Variants in C8orf34 observed in about 807,000 individuals in gnomAD.
The protein encoded by C8orf34 is chromosome 8 open reading frame 34.
A neutral mutation model predicts 68.3 loss-of-function variants in C8orf34; 65 were observed. The ratio of observed to expected loss-of-function variants is 0.95; its 90% CI spans 0.78 to 1.17. The LOEUF is 1.17. Ranked by LOEUF, C8orf34 falls within the 50% of genes most tolerant of loss-of-function variation. The probability of loss-of-function intolerance (pLI) is 0.00; values close to 1 mark genes in which losing one functional copy is unlikely to be tolerated. For missense variants in C8orf34, 664 were observed against 655.4 expected, an observed-to-expected ratio of 1.01 and a Z score of -0.14; for synonymous variants, 244 against 241.2, an observed-to-expected ratio of 1.01 and a Z score of -0.11.
chr8:68,632,157 A>G (rs1341087578), intron 7 of C8orf34, among the ~76,000 whole-genome samples: 1 of 152,176 alleles, frequency 6.6e-6, no homozygotes, highest in Admixed American at 6.5e-5. Flanking sequence ...GACATGGACA[A>G]TGAAGTCTAG....
intron 3 of C8orf34, 52 bp downstream of exon 3, chr8:68,446,512 T>G: frequency 6.4e-7 from 1 of 1,551,028 alleles, no homozygotes; most frequent in Non-Finnish European, 8.7e-7. Flanking sequence ...GTTTATGTTG[T>G]TAAGAAAATG....
At position 68,735,051 on chromosome 8, in the gene C8orf34, T is replaced by A. The variant is rs915285942; in HGVS notation, c.1404+13614T>A. ...CCTTTGTGAGGTAAGTTTATCTTAATTTTTAGATGGAAAAACTTAGTTTTA... is the reference window on the plus strand; with the variant it reads ...CCTTTGTGAGGTAAGTTTATCTTAAATTTTAGATGGAAAAACTTAGTTTTA... On this transcript the variant is annotated intron_variant, in intron 10 of 13. Coordinates refer to ENST00000518698, the MANE Select transcript of C8orf34 (RefSeq NM_052958.4). 4.6e-5 allele frequency among the ~76,000 whole-genome samples: 7 copies of A among 152,342 alleles called. No individual in the cohort carries two copies. The East Asian group carries it at 9.6e-4, about 21-fold the overall frequency.
At chr8:68,625,176 T>G (rs1400484649) in intron 7 of C8orf34, among the ~76,000 whole-genome samples, 1 of 152,070 alleles carries the variant, frequency 6.6e-6, no homozygotes, top group African/African-American at 2.4e-5. Flanking sequence ...GGTAAAGGCT[T>G]CTGGGGTTGA....
chr8:68,626,161 A>G (rs1352883306), intron 7 of C8orf34, among the ~76,000 whole-genome samples: 2 of 152,158 alleles, frequency 1.3e-5, no homozygotes, highest in Non-Finnish European at 2.9e-5. Context: ...GGAAAATTGA[A>G]GCAAAAGAGG....
intron 10 of C8orf34, among the ~76,000 whole-genome samples, chr8:68,752,294 A>G (rs73275966): frequency 0.016 from 2,409 of 152,312 alleles, 84 homozygotes; most frequent in African/African-American, 0.054. Flanking sequence ...CTATGAGCCA[A>G]CAACTCCTTA....
intron 1 of C8orf34, among the ~76,000 whole-genome samples, chr8:68,429,877 A>G (rs893441687): frequency 2.4e-4 from 37 of 152,334 alleles, no homozygotes; most frequent in African/African-American, 8.4e-4. Context: ...GTATGGTATC[A>G]TAGAAAAATA....
At chr8:68,782,487 A>G (rs1007151133) in intron 11 of C8orf34, among the ~76,000 whole-genome samples, 3 of 147,664 alleles carry the variant, frequency 2.0e-5, no homozygotes, top group African/African-American at 7.6e-5. Flanking sequence ...TGCCTCTCAC[A>G]TTCTACTCTC....
chr8:68,809,210 CT>C (rs1457252130), intron 12 of C8orf34, among the ~76,000 whole-genome samples: 10 of 152,142 alleles, frequency 6.6e-5, no homozygotes, highest in African/African-American at 2.2e-4. Context: ...GGCAAATGCT[CT>C]CCTCTAGGGT....
intron 1 of C8orf34, among the ~76,000 whole-genome samples, chr8:68,340,519 A>G (rs891678352): frequency 6.6e-6 from 1 of 152,198 alleles, no homozygotes; most frequent in Non-Finnish European, 1.5e-5. Context: ...TGGACTGCAG[A>G]CATCAAAAGA....
At chr8:68,578,186 A>G (rs1816963127) in intron 7 of C8orf34, among the ~76,000 whole-genome samples, 1 of 152,058 alleles carries the variant, frequency 6.6e-6, no homozygotes, top group South Asian at 2.1e-4. Flanking sequence ...AGACTTAAAA[A>G]TGATTTTAAA....
rs147646467 is a variant in C8orf34, at chr8:68,362,311, A to G, written c.327+30972A>G. On this transcript the variant is annotated intron_variant, in intron 1 of 13. Coordinates refer to ENST00000518698, the MANE Select transcript of C8orf34 (RefSeq NM_052958.4). ...CTCATAGAGTTTATACACATTCTCAATTTGATGTTTTCATCATTAAAACCA... is the reference window on the plus strand; with the variant it reads ...CTCATAGAGTTTATACACATTCTCAGTTTGATGTTTTCATCATTAAAACCA... 5.2e-3 allele frequency among the ~76,000 whole-genome samples: 792 copies of G among 152,320 alleles called. 5 individuals carry two copies. The highest frequency in any genetic ancestry group is 0.017 in the African/African-American group (716 of 41,572).
chr8:68,685,533 T>G (rs2130890192), intron 8 of C8orf34, among the ~76,000 whole-genome samples: 2 of 152,166 alleles, frequency 1.3e-5, no homozygotes, highest in Admixed American at 1.3e-4. Flanking sequence ...CAAGTTGAGG[T>G]ATGAGTTTGG....
intron 1 of C8orf34, among the ~76,000 whole-genome samples, chr8:68,417,835 T>G (rs1261571709): frequency 6.6e-6 from 1 of 152,000 alleles, no homozygotes; most frequent in African/African-American, 2.4e-5. Context: ...GTGAAGAAAG[T>G]CATTGGTAGC....
chr8:68,387,611 C>A (rs757165715), intron 1 of C8orf34, among the ~76,000 whole-genome samples: 8 of 152,008 alleles, frequency 5.3e-5, no homozygotes, highest in Non-Finnish European at 1.2e-4. Flanking sequence ...GAAGAAGATA[C>A]AGAAATGGAT....
At chr8:68,803,183 A>G (rs939579526) in intron 12 of C8orf34, among the ~76,000 whole-genome samples, 5 of 152,118 alleles carry the variant, frequency 3.3e-5, no homozygotes, top group Non-Finnish European at 7.4e-5. Context: ...TACATAACAG[A>G]AGAATTATAA....
At chr8:68,814,199 A>G (rs1824740215) in intron 12 of C8orf34, among the ~76,000 whole-genome samples, 1 of 152,208 alleles carries the variant, frequency 6.6e-6, no homozygotes, top group African/African-American at 2.4e-5. Flanking sequence ...TATCAGCATC[A>G]ACATCTCTTG....
chr8:68,590,768 A>C (rs768403955), intron 7 of C8orf34, among the ~76,000 whole-genome samples: 127 of 152,190 alleles, frequency 8.3e-4, no homozygotes, highest in Non-Finnish European at 1.2e-3. Context: ...ATATGAGAGC[A>C]GCAGAGCTAC....
chr8:68,717,812 T>C (rs892590039), intron 9 of C8orf34, among the ~76,000 whole-genome samples: 3 of 152,164 alleles, frequency 2.0e-5, no homozygotes, highest in Non-Finnish European at 4.4e-5. Flanking sequence ...TAATGTAGCA[T>C]AATAGAAAGA....
At chr8:68,474,187 G>T (rs11995326) in intron 4 of C8orf34, among the ~76,000 whole-genome samples, 4 of 152,022 alleles carry the variant, frequency 2.6e-5, no homozygotes, top group Admixed American at 2.6e-4. Context: ...TGCCCAAAGC[G>T]TATCTCCACT....
Sources: allele counts gnomAD v4.1 joint callset (sites outside exome capture counted in the v4.1 genomes callset), GRCh38; gene constraint gnomAD v4.1.1; transcripts MANE v1.5; gene names NCBI Gene and HGNC (gene_info 2026-07-23, HGNC 2026-07-21).